The following SSR1 variants were observed in gnomAD, a reference collection of about 807,000 sequenced individuals.
The protein encoded by SSR1 is translocon-associated protein subunit alpha.
A neutral mutation model predicts 36.1 loss-of-function variants in SSR1; 13 were observed. The observed-to-expected ratio is 0.36, with a 90% CI of 0.23 to 0.57. The LOEUF (loss-of-function observed/expected upper bound fraction) is 0.57, where lower values mean the gene tolerates loss of function less well. Ranked by LOEUF, SSR1 falls within the 20% of genes least tolerant of loss-of-function variation. The pLI, the probability that SSR1 is intolerant of heterozygous loss-of-function variation, is 0.81. For synonymous variants in SSR1, 113 were observed against 118.9 expected (o/e 0.95, Z 0.32); for missense variants, 291 against 338.5 (o/e 0.86, Z 1.10).
At chr6:7,295,115 A>G in intron 7 of SSR1, 1 of 1,521,012 alleles carries the variant, frequency 6.6e-7, no homozygotes. Flanking sequence ...GAAGCAACAG[A>G]AAGAAAAGAG....
intron 5 of SSR1, among the ~76,000 whole-genome samples, chr6:7,298,256 T>C (rs12212280): frequency 0.31 from 47,358 of 152,166 alleles, 7,694 homozygotes; most frequent in East Asian, 0.51. Flanking sequence ...GCTTGGTTTA[T>C]AAAATAATTG....
chr6:7,289,777 G>T lies in SSR1; in HGVS notation c.*87C>A. On this transcript the variant is annotated 3_prime_UTR_variant, in exon 8 of 8. Transcript: ENST00000244763. ...ACAAGTAGGAGTTGCCTTCTATGGTGACATGGCTTCTCTGCACTAATTCCC... is the reference window on the plus strand; with the variant it reads ...ACAAGTAGGAGTTGCCTTCTATGGTTACATGGCTTCTCTGCACTAATTCCC... 1.6e-6 allele frequency: 2 copies of T among 1,230,806 alleles called. No homozygotes were observed. The highest frequency in any genetic ancestry group is 1.5e-5 in the South Asian group (1 of 66,664). The allele number at this position is 1,230,806 out of a possible 1,614,324, so 76.2% of individuals were successfully genotyped here.
rs1215435342 is a variant in SSR1, at chr6:7,311,715, T to C, written c.79+1327A>G. 2.0e-5 allele frequency among the ~76,000 whole-genome samples: 3 copies of C among 152,140 alleles called. No individual in the cohort carries two copies. In the East Asian group the frequency reaches 5.8e-4, roughly 29 times the overall value. On this transcript the variant is annotated intron_variant, in intron 1 of 7. Transcript: ENST00000244763. ...TTTTAATGTTAACCAATAACAATTT[T>C]GTCCCCATGAAGTCTAACAGTCTTC... is the stretch of plus-strand genomic sequence containing the variant.
At chr6:7,301,152 T>C (rs1757924372) in intron 4 of SSR1, among the ~76,000 whole-genome samples, 158 bp downstream of exon 4, 1 of 152,168 alleles carries the variant, frequency 6.6e-6, no homozygotes, top group Non-Finnish European at 1.5e-5. Flanking sequence ...TGGATTAGAC[T>C]TGAAGAAGAA....
chr6:7,311,756 C>T, intron 1 of SSR1, among the ~76,000 whole-genome samples: 1 of 151,940 alleles, frequency 6.6e-6, no homozygotes. Flanking sequence ...ACTGGAAAAA[C>T]CAAACACAAA....
Position 7,298,789 on chromosome 6 carries a change from G to A in SSR1, c.578C>T (p.Thr193Ile). ...ATCCTCTCTTTCAATAACTGTAACTGTTTGATTGAAGACTGCATCTTGGAA... is the reference window on the plus strand; with the variant it reads ...ATCCTCTCTTTCAATAACTGTAACTATTTGATTGAAGACTGCATCTTGGAA... ...NVFQDAVFNQ[T>I]VTVIEREDGL... The change falls in exon 5 of 8, where the codon ACA (threonine) becomes ATA (isoleucine). Residue 193 changes from threonine (T) to isoleucine (I), a missense_variant. Thr to Ile is a moderately conservative substitution (Grantham distance 89). Transcript: ENST00000244763. 1 of 1,613,306 alleles carries A rather than the reference G, an allele frequency of 6.2e-7. No homozygotes were observed. The highest frequency in any genetic ancestry group is 8.5e-7 in the Non-Finnish European group (1 of 1,179,754).
At chr6:7,296,157 C>T (rs1757790527) in intron 6 of SSR1, among the ~76,000 whole-genome samples, 1 of 152,034 alleles carries the variant, frequency 6.6e-6, no homozygotes, top group South Asian at 2.1e-4. Flanking sequence ...AGAGTATTTA[C>T]AGCAAAACTG....
intron 4 of SSR1, among the ~76,000 whole-genome samples, chr6:7,299,981 A>T (rs1757897981): frequency 6.6e-6 from 1 of 151,188 alleles, no homozygotes; most frequent in African/African-American, 2.4e-5. Flanking sequence ...TACACAGATT[A>T]AAAAAAAAGT....
In SSR1 at chr6:7,295,439, T is replaced by C. The variant is rs774482578; in HGVS notation, c.746A>G (p.Asn249Ser). 6.2e-7 allele frequency: 1 copy of C among 1,612,384 alleles called. No individual in the cohort carries two copies. The highest frequency in any genetic ancestry group is 1.1e-5 in the South Asian group (1 of 90,692). Residue 249 changes from asparagine to serine, a missense_variant, in exon 7 of 8, where the codon AAT becomes AGT. By Grantham distance (46) the Asn-to-Ser change is conservative. Transcript: ENST00000244763. Reference sequence around the variant, plus strand: ...AGGAATCCAACTCATGTCAACATCATTCTGACTTGATGTACCCATTTCTAC... The same window carrying C: ...AGGAATCCAACTCATGTCAACATCACTCTGACTTGATGTACCCATTTCTAC... Reference protein sequence around the residue: ...QKVEMGTSSQNDVDMSWIPQE... With the variant: ...QKVEMGTSSQSDVDMSWIPQE...
chr6:7,306,684 A>C (rs1354483944), intron 2 of SSR1, among the ~76,000 whole-genome samples: 1 of 151,402 alleles, frequency 6.6e-6, no homozygotes, highest in Middle Eastern at 3.4e-3. Flanking sequence ...CGGGAGGCCG[A>C]GGCGGGCGGA....
At chr6:7,308,535 G>A (rs530792945) in intron 2 of SSR1, among the ~76,000 whole-genome samples, 3 of 152,150 alleles carry the variant, frequency 2.0e-5, no homozygotes, top group Admixed American at 6.5e-5. Context: ...GATTATAGTC[G>A]TTCCAGAGAG....
In SSR1 at chr6:7,287,345, T is replaced by A. The variant is rs1227157521; in HGVS notation, c.*2519A>T. ...TAAGGTCTAAATTTGCCCTTTCCTC[T>A]TATCAAAATCACATTTTCTGAAGGT... On this transcript the variant is annotated 3_prime_UTR_variant, in exon 8 of 8. Transcript: ENST00000244763. 6.6e-6 allele frequency: 1 copy of A among 152,232 alleles called. No homozygotes were observed. Among genetic ancestry groups the A allele is most frequent in the Non-Finnish European group, 1.5e-5 (1 of 68,048 alleles). The allele number at this position is 152,232 out of a possible 1,614,324, so 9.4% of individuals were successfully genotyped here.
At chr6:7,298,285 T>C (rs1014172801) in intron 5 of SSR1, among the ~76,000 whole-genome samples, 2 of 152,224 alleles carry the variant, frequency 1.3e-5, no homozygotes, top group African/African-American at 4.8e-5. Flanking sequence ...TTCATCTCCC[T>C]GGAATATTAC....
rs1757642393 is a variant in SSR1, at chr6:7,289,812, A to C, written c.*52T>G. 8 of 1,532,224 alleles carry C rather than the reference A, an allele frequency of 5.2e-6. No individual in the cohort carries two copies. The highest frequency in any genetic ancestry group is 6.1e-6 in the Non-Finnish European group (7 of 1,140,606). The allele number at this position is 1,532,224 out of a possible 1,614,324, so 94.9% of individuals were successfully genotyped here. On this transcript the variant is annotated 3_prime_UTR_variant, in exon 8 of 8. Transcript: ENST00000244763. ...CTCTGCACTAATTCCCATCAGGCCGAAAAATATTAGGGCAGGTTAAGTAAA... is the reference window on the plus strand; with the variant it reads ...CTCTGCACTAATTCCCATCAGGCCGCAAAATATTAGGGCAGGTTAAGTAAA...
In SSR1 at chr6:7,289,635, C is replaced by G. The variant is rs531501817; in HGVS notation, c.*229G>C. ...GACCAACTGCTCACATACATACACA[C>G]GCACACACATAGATTTTAATGGTTT... On this transcript the variant is annotated 3_prime_UTR_variant, in exon 8 of 8. Transcript: ENST00000244763. 2 of 524,520 alleles carry G rather than the reference C, an allele frequency of 3.8e-6. No individual in the cohort carries two copies. The highest frequency in any genetic ancestry group is 6.6e-6 in the Non-Finnish European group (2 of 304,512). The allele number at this position is 524,520 out of a possible 1,614,324, so 32.5% of individuals were successfully genotyped here. A position where few individuals can be genotyped will look rare whatever the true frequency, so the allele number is the denominator to read the frequency against.
At chr6:7,306,702 G>A (rs916791848) in intron 2 of SSR1, among the ~76,000 whole-genome samples, 17 of 151,514 alleles carry the variant, frequency 1.1e-4, no homozygotes, top group Admixed American at 3.9e-4. Flanking sequence ...GGATCACGAG[G>A]TCAGGAGATC....
rs1414890179 is a variant in SSR1 at position 7,313,102 on chromosome 6, A to G, written c.19T>C (p.Leu7=). 1 of 1,607,874 alleles carries G rather than the reference A, an allele frequency of 6.2e-7. No individual in the cohort carries two copies. The highest frequency in any genetic ancestry group is 8.5e-7 in the Non-Finnish European group (1 of 1,177,050). Residue 7 remains leucine, a synonymous_variant, in exon 1 of 8, where the codon TTG becomes CTG. Transcript: ENST00000244763. MRLLPR[L]LLLLLLVFPA... ...AACACGAGTAAGAGAAGCAGCAGCA[A>G]GCGGGGGAGGAGTCTCATGGCGCTG...
At chr6:7,306,371 C>T (rs1471993110) in intron 2 of SSR1, among the ~76,000 whole-genome samples, 1 of 151,824 alleles carries the variant, frequency 6.6e-6, no homozygotes, top group African/African-American at 2.4e-5. Context: ...TCTTGATCTC[C>T]TGACCTCGTG....
At position 7,313,138 on chromosome 6, in the gene SSR1, G is replaced by A; in HGVS notation, c.-18C>T. ...AGTCTCATGGCGCTGCCGGTCCAGT[G>A]TCCAGTTTCCGTCGGCTAAGGCTCT... is the stretch of plus-strand genomic sequence containing the variant. On this transcript the variant is annotated 5_prime_UTR_variant, in exon 1 of 8. Coordinates refer to ENST00000244763, the MANE Select transcript of SSR1 (RefSeq NM_003144.5). 3 of 1,596,374 alleles carry A rather than the reference G, an allele frequency of 1.9e-6. No individual in the cohort carries two copies. The highest frequency in any genetic ancestry group is 2.6e-6 in the Non-Finnish European group (3 of 1,171,252).
Sources: gnomAD v4.1 joint callset for allele counts (sites outside exome capture counted in the v4.1 genomes callset) on GRCh38, gnomAD v4.1.1 for gene constraint, MANE v1.5 for transcripts, NCBI Gene and HGNC (gene_info 2026-07-23, HGNC 2026-07-21) for gene names.